The following ARHGAP22 variants were observed in gnomAD, a reference collection of about 807,000 sequenced individuals.
The protein encoded by ARHGAP22 is Rho GTPase activating protein 22, also known as rho GTPase-activating protein 22.
Under a neutral mutation model 59.1 loss-of-function variants are expected in ARHGAP22, and 48 were observed. That is an observed-to-expected ratio of 0.81 (90% CI 0.64 to 1.03). ARHGAP22 has a LOEUF of 1.03. Ranked by LOEUF, ARHGAP22 falls within the 50% of genes least tolerant of loss-of-function variation. ARHGAP22 has a pLI of 0.00. For synonymous variants in ARHGAP22, 445 were observed against 416.4 expected (o/e 1.07, Z -0.84); for missense variants, 1,015 against 958.7 (o/e 1.06, Z -0.78).
At chr10:48,595,417 C>G (rs1467294310) in intron 1 of ARHGAP22, among the ~76,000 whole-genome samples, 2 of 152,182 alleles carry the variant, frequency 1.3e-5, no homozygotes, top group African/African-American at 4.8e-5. Context: ...CCTTCCGGGT[C>G]CCACACCGTC....
At chr10:48,577,797 T>TA (rs112029748) in intron 2 of ARHGAP22, among the ~76,000 whole-genome samples, 2,995 of 137,170 alleles carry the variant, frequency 0.022, 218 homozygotes, top group African/African-American at 0.081. Flanking sequence ...ACTGCTCTTT[T>TA]TTGGTTTTTT....
At chr10:48,505,084 C>T (rs964405351) in intron 3 of ARHGAP22, among the ~76,000 whole-genome samples, 1 of 152,200 alleles carries the variant, frequency 6.6e-6, no homozygotes, top group Non-Finnish European at 1.5e-5. Context: ...GACAAAGTCT[C>T]GCTCTATTGC....
intron 3 of ARHGAP22, among the ~76,000 whole-genome samples, chr10:48,495,773 G>A (rs957466256): frequency 5.9e-5 from 9 of 152,280 alleles, no homozygotes; most frequent in African/African-American, 1.9e-4. Context: ...CAAAGAGACA[G>A]TGGCTTCCCT....
chr10:48,521,368 A>T (rs1023513187), intron 3 of ARHGAP22, among the ~76,000 whole-genome samples: 3 of 152,240 alleles, frequency 2.0e-5, no homozygotes, highest in Admixed American at 2.0e-4. Flanking sequence ...TAAAGGCGTG[A>T]TGATGACACC....
At chr10:48,651,658 C>T (rs1304047410) in intron 1 of ARHGAP22, among the ~76,000 whole-genome samples, 1 of 152,120 alleles carries the variant, frequency 6.6e-6, no homozygotes, top group Non-Finnish European at 1.5e-5. Flanking sequence ...CCTGCACAGC[C>T]CACCCAGCGA....
At chr10:48,534,922 C>T (rs2055202547) in intron 3 of ARHGAP22, among the ~76,000 whole-genome samples, 1 of 152,186 alleles carries the variant, frequency 6.6e-6, no homozygotes, top group Non-Finnish European at 1.5e-5. Context: ...TGCAGTCAGT[C>T]CTGCACACCT....
intron 2 of ARHGAP22, 63 bp from the exon 3 acceptor site, chr10:48,555,613 C>T (rs2057252305): frequency 1.3e-6 from 2 of 1,543,544 alleles, no homozygotes; most frequent in African/African-American, 1.4e-5. Context: ...CTGCTGTCGT[C>T]AGGGTCCCTG....
intron 4 of ARHGAP22, among the ~76,000 whole-genome samples, chr10:48,466,348 C>T (rs1206075091): frequency 1.3e-5 from 2 of 152,062 alleles, no homozygotes. Context: ...CGCCTCCGGT[C>T]CCTGTTTCTT....
At chr10:48,480,951 G>C (rs1303183897) in intron 3 of ARHGAP22, among the ~76,000 whole-genome samples, 2 of 152,264 alleles carry the variant, frequency 1.3e-5, no homozygotes, top group Admixed American at 1.3e-4. Flanking sequence ...CAGAGGGTGG[G>C]GCTGTGTCCT....
At chr10:48,582,662 G>A (rs998566185) in intron 2 of ARHGAP22, 9 of 465,856 alleles carry the variant, frequency 1.9e-5, no homozygotes, top group Non-Finnish European at 3.1e-5. Context: ...AAGCATGAAG[G>A]GGCCAAAAAG....
intron 1 of ARHGAP22, among the ~76,000 whole-genome samples, chr10:48,593,820 A>T (rs1472132885): frequency 6.6e-6 from 1 of 152,240 alleles, no homozygotes; most frequent in Non-Finnish European, 1.5e-5. Context: ...GAAAAACAAA[A>T]ATCCTAAACA....
intron 4 of ARHGAP22, among the ~76,000 whole-genome samples, chr10:48,471,141 A>G (rs1253025135): frequency 2.0e-5 from 3 of 152,170 alleles, no homozygotes; most frequent in Non-Finnish European, 2.9e-5. Context: ...AGAGGAACCC[A>G]AGGGCAGGAG....
chr10:48,548,566 G>A (rs1466648052), intron 3 of ARHGAP22, among the ~76,000 whole-genome samples: 2 of 152,166 alleles, frequency 1.3e-5, no homozygotes, highest in African/African-American at 4.8e-5. Flanking sequence ...GGACAGGCCT[G>A]CTCTGGGATC....
chr10:48,459,101 G>A (rs1318336683), intron 5 of ARHGAP22, among the ~76,000 whole-genome samples: 1 of 152,014 alleles, frequency 6.6e-6, no homozygotes, highest in East Asian at 2.0e-4. Flanking sequence ...ACTGTCAGGG[G>A]AAACAGAATC....
chr10:48,626,233 C>T (rs2061444605), intron 1 of ARHGAP22, among the ~76,000 whole-genome samples: 1 of 152,156 alleles, frequency 6.6e-6, no homozygotes, highest in Non-Finnish European at 1.5e-5. Context: ...TTGATTTTGT[C>T]TTTTTCTTGT....
chr10:48,628,964 T>C (rs1318823641), intron 1 of ARHGAP22, among the ~76,000 whole-genome samples: 1 of 152,196 alleles, frequency 6.6e-6, no homozygotes, highest in Non-Finnish European at 1.5e-5. Flanking sequence ...CCCTGACCAA[T>C]GTGTCTGCTC....
chr10:48,476,986 T>C (rs1342251957), intron 4 of ARHGAP22, among the ~76,000 whole-genome samples: 33 of 152,222 alleles, frequency 2.2e-4, no homozygotes, highest in Admixed American at 2.2e-3. Context: ...TTTGTTTCAT[T>C]TATTTTTTAT....
At chr10:48,573,963 C>T (rs926428458) in intron 2 of ARHGAP22, among the ~76,000 whole-genome samples, 3 of 152,188 alleles carry the variant, frequency 2.0e-5, no homozygotes, top group Non-Finnish European at 4.4e-5. Flanking sequence ...TTGTGCCTGG[C>T]CTTGTGGAGA....
chr10:48,451,372 G>A (rs1338194421), intron 8 of ARHGAP22: 4 of 722,132 alleles, frequency 5.5e-6, no homozygotes, highest in Middle Eastern at 4.5e-4. Context: ...AGAGCCGCAA[G>A]CAGGGAGGAA....
Sources: gnomAD v4.1 joint callset for allele counts (sites outside exome capture counted in the v4.1 genomes callset) on GRCh38, gnomAD v4.1.1 for gene constraint, MANE v1.5 for transcripts, NCBI Gene and HGNC (gene_info 2026-07-23, HGNC 2026-07-21) for gene names.